Variants in TTC23L observed in about 807,000 individuals in gnomAD.
The protein encoded by TTC23L is tetratricopeptide repeat protein 23-like.
In TTC23L, 42 loss-of-function variants were observed where a neutral mutation model predicts 48.1. That is an observed-to-expected ratio of 0.87 (90% CI 0.68 to 1.13). The LOEUF is 1.13. Among genes scored for constraint, TTC23L ranks in the 50% most tolerant of loss-of-function variants. The probability of loss-of-function intolerance (pLI) is 0.00; values close to 1 mark genes in which losing one functional copy is unlikely to be tolerated. For missense variants in TTC23L, 391 were observed against 421.0 expected (o/e 0.93, Z 0.62); for synonymous variants, 159 against 157.2 (o/e 1.01, Z -0.09).
intron 1 of TTC23L, chr5:34,839,723 G>T (rs1028306186): frequency 4.7e-5 from 43 of 917,900 alleles, no homozygotes; most frequent in Admixed American, 6.2e-5. Context: ...GCGACTTGGT[G>T]GATGTTAACA....
chr5:34,913,283 A>T, the TTC23L span, among the ~76,000 whole-genome samples: 1 of 152,382 alleles, frequency 6.6e-6, no homozygotes, highest in East Asian at 1.9e-4. Context: ...ATACTTTTAC[A>T]AATATGAAAA....
At chr5:34,840,092 C>G (rs1019009786) in intron 1 of TTC23L, among the ~76,000 whole-genome samples, 1 of 152,136 alleles carries the variant, frequency 6.6e-6, no homozygotes, top group Non-Finnish European at 1.5e-5. Context: ...GGGTTTCACC[C>G]TGTTGGCCAG....
chr5:34,851,314 A>T (rs1471536479), intron 4 of TTC23L, among the ~76,000 whole-genome samples: 1 of 152,228 alleles, frequency 6.6e-6, no homozygotes, highest in Non-Finnish European at 1.5e-5. Context: ...GGCCATAATG[A>T]GGCTGGATAT....
chr5:34,913,588 G>T, the TTC23L span: 1 of 1,500,872 alleles, frequency 6.7e-7, no homozygotes, highest in Non-Finnish European at 9.1e-7. Flanking sequence ...CCTATGAAAA[G>T]AGTAAAAATG....
At chr5:34,889,399 G>C (rs1168888323) in intron 9 of TTC23L, among the ~76,000 whole-genome samples, 1 of 152,188 alleles carries the variant, frequency 6.6e-6, no homozygotes, top group Non-Finnish European at 1.5e-5. Flanking sequence ...TGAGAGTTAG[G>C]ACCCTGAATG....
intron 8 of TTC23L, among the ~76,000 whole-genome samples, chr5:34,874,715 C>T (rs1246208806): frequency 6.6e-6 from 1 of 151,112 alleles, no homozygotes; most frequent in African/African-American, 2.4e-5. Context: ...AGAATGAAAT[C>T]TTGTCTCTAA....
intron 4 of TTC23L, among the ~76,000 whole-genome samples, chr5:34,858,969 G>A (rs1417760343): frequency 6.6e-6 from 1 of 152,222 alleles, no homozygotes; most frequent in African/African-American, 2.4e-5. Context: ...TGAGCAGAGA[G>A]GAAAAGTATT....
At chr5:34,841,858 G>A (rs1758703820) in intron 2 of TTC23L, among the ~76,000 whole-genome samples, 1 of 152,152 alleles carries the variant, frequency 6.6e-6, no homozygotes, top group African/African-American at 2.4e-5. Flanking sequence ...GGGTTTCTCG[G>A]TCTCTGCACT....
chr5:34,840,178 C>G (rs558656454), intron 1 of TTC23L, among the ~76,000 whole-genome samples: 1 of 145,724 alleles, frequency 6.9e-6, no homozygotes, highest in African/African-American at 2.6e-5. Context: ...AGGCGTGAGC[C>G]TCTGTACCCG....
At chr5:34,873,929 C>T (rs1761651976) in intron 8 of TTC23L, among the ~76,000 whole-genome samples, 2 of 152,160 alleles carry the variant, frequency 1.3e-5, no homozygotes, top group Admixed American at 1.3e-4. Context: ...GCTATGCAGA[C>T]ACAGGAGTGA....
At chr5:34,897,024 CAAAA>C in intron 10 of TTC23L, 149 bp downstream of exon 10, 1 of 529,796 alleles carries the variant, frequency 1.9e-6, no homozygotes, top group East Asian at 2.9e-5. Context: ...AAAAAAAAAA[CAAAA>C]AAAACAGGTT....
rs371992268 is a variant in TTC23L at position 34,863,054 on chromosome 5, G to A, written c.536G>A (p.Arg179His). Residue 179 changes from arginine to histidine, a missense_variant and splice_region_variant, in exon 5 of 11, where the codon CGT becomes CAT. By Grantham distance (29) the Arg-to-His change is conservative. Coordinates refer to ENST00000505624, the Ensembl canonical transcript of TTC23L. This position sits in a 1 kb window ranked among gnomAD's most constrained non-coding sequence, Gnocchi z 4.1. ...GGCGTGGCCTGGCTCCTGCAGAACC[G>A]ATATCCTTCCATTCCTAGCTGCGTT... 3.7e-5 allele frequency: 60 copies of A among 1,613,758 alleles called. No individual in the cohort carries two copies. The African/African-American group carries it at 5.7e-4, about 15-fold the overall frequency.
At chr5:34,909,213 ACCT>A in the TTC23L span, 6 of 1,379,924 alleles carry the variant, frequency 4.3e-6, no homozygotes, top group Non-Finnish European at 5.1e-6. Context: ...CTGGTATTTA[ACCT>A]CCTCTTTATC....
chr5:34,911,714 T>C, the TTC23L span: 1 of 1,614,170 alleles, frequency 6.2e-7, no homozygotes, highest in Non-Finnish European at 8.5e-7. Flanking sequence ...GGTTCCTGTG[T>C]ATTGATTTTG....
the TTC23L span, chr5:34,919,995 C>T: frequency 1.9e-6 from 1 of 528,174 alleles, no homozygotes; most frequent in South Asian, 2.1e-5. Flanking sequence ...ACTATTCAGA[C>T]ACATTTTATT....
At chr5:34,880,626 C>A in intron 9 of TTC23L, 1 of 425,358 alleles carries the variant, frequency 2.4e-6, no homozygotes, top group Non-Finnish European at 4.5e-6. Flanking sequence ...TTGCTTCTAA[C>A]GGTTCCCTCT....
chr5:34,848,433 G>C (rs1014131210), intron 3 of TTC23L, among the ~76,000 whole-genome samples: 3 of 152,138 alleles, frequency 2.0e-5, no homozygotes, highest in Admixed American at 2.0e-4. Flanking sequence ...AGATAACAGC[G>C]AACATGAGGA....
chr5:34,846,836 G>A (rs1421860031), intron 3 of TTC23L, among the ~76,000 whole-genome samples: 3 of 151,716 alleles, frequency 2.0e-5, no homozygotes, highest in Non-Finnish European at 4.4e-5. Flanking sequence ...TGGGTAAGAT[G>A]CCCTTGGTTA....
chr5:34,906,594 C>G, the TTC23L span: 1 of 152,104 alleles, frequency 6.6e-6, no homozygotes, highest in South Asian at 2.1e-4. Flanking sequence ...AACTGTAATC[C>G]TACAACTGTA....
Sources: allele counts gnomAD v4.1 joint callset (sites outside exome capture counted in the v4.1 genomes callset), GRCh38; gene constraint gnomAD v4.1.1; non-coding constraint Gnocchi (gnomAD v3.1); transcripts MANE v1.5; gene names NCBI Gene and HGNC (gene_info 2026-07-23, HGNC 2026-07-21).